ZSWIM6: variants seen among roughly 807,000 people sequenced by gnomAD.
ZSWIM6 encodes zinc finger SWIM-type containing 6.
A neutral mutation model predicts 113.2 loss-of-function variants in ZSWIM6; 9 were observed. The ratio of observed to expected loss-of-function variants is 0.08; its 90% confidence interval spans 0.05 to 0.14. The LOEUF is 0.14. ZSWIM6 is among the 10% of genes least tolerant of loss of function. The pLI, the probability that ZSWIM6 is intolerant of heterozygous loss-of-function variation, is 1.00. For synonymous variants in ZSWIM6, 611 were observed against 606.5 expected, an observed-to-expected ratio of 1.01 and a Z score of -0.11; for missense variants, 1,162 against 1,552.2, an observed-to-expected ratio of 0.75 and a Z score of 4.22.
chr5:61,478,978 C>G (rs145249452), intron 2 of ZSWIM6, among the ~76,000 whole-genome samples: 6 of 152,122 alleles, frequency 3.9e-5, no homozygotes, highest in African/African-American at 1.4e-4. Flanking sequence ...CAAGACCAGC[C>G]TGGCCAACAT....
intron 12 of ZSWIM6, among the ~76,000 whole-genome samples, chr5:61,541,203 A>G (rs564190425): frequency 6.6e-6 from 1 of 152,216 alleles, no homozygotes; most frequent in Admixed American, 6.5e-5. Context: ...TCAGCCTCCC[A>G]AATTGCCAGG....
chr5:61,505,635 C>A (rs1247331865), intron 4 of ZSWIM6, among the ~76,000 whole-genome samples: 1 of 97,554 alleles, frequency 1.0e-5, no homozygotes, highest in African/African-American at 4.3e-5. Flanking sequence ...TCCTTCCTTC[C>A]TTCCTTCCTT....
chr5:61,381,530 G>A (rs949723540), intron 1 of ZSWIM6, among the ~76,000 whole-genome samples: 3 of 152,296 alleles, frequency 2.0e-5, no homozygotes, highest in Admixed American at 6.5e-5. Flanking sequence ...AACATTATGT[G>A]TGTCATGGCT....
chr5:61,483,616 C>T (rs1220249054), intron 2 of ZSWIM6, among the ~76,000 whole-genome samples: 1 of 151,624 alleles, frequency 6.6e-6, no homozygotes, highest in Non-Finnish European at 1.5e-5. Context: ...CACCTGTAAT[C>T]CCAGCACTTT....
intron 4 of ZSWIM6, among the ~76,000 whole-genome samples, chr5:61,518,748 C>G (rs1261104915): frequency 6.6e-6 from 1 of 152,140 alleles, no homozygotes; most frequent in African/African-American, 2.4e-5. Flanking sequence ...TGCCTGTTCA[C>G]TCTGATGATA....
chr5:61,481,881 A>G (rs1747875966), intron 2 of ZSWIM6, among the ~76,000 whole-genome samples: 1 of 152,236 alleles, frequency 6.6e-6, no homozygotes, highest in Non-Finnish European at 1.5e-5. Context: ...ATTAAACTTC[A>G]GTAATAAAAT....
intron 4 of ZSWIM6, among the ~76,000 whole-genome samples, chr5:61,497,918 G>A (rs1471779448): frequency 6.6e-6 from 1 of 152,154 alleles, no homozygotes; most frequent in Admixed American, 6.6e-5. Flanking sequence ...GGATTTCCAA[G>A]AACAACCCAG....
In ZSWIM6 at chr5:61,332,671, CG is replaced by C; in HGVS notation, c.400del (p.Ala134ArgfsTer86). 1 of 1,108,642 alleles carries C rather than the reference CG, an allele frequency of 9.0e-7. No individual in the cohort carries two copies. Among genetic ancestry groups the C allele is most frequent in the African/African-American group, 1.7e-5 (1 of 57,662 alleles). The allele number at this position is 1,108,642 out of a possible 1,614,324, so 68.7% of individuals were successfully genotyped here. A position where few individuals can be genotyped will look rare whatever the true frequency, so the allele number is the denominator to read the frequency against. On this transcript the variant is annotated frameshift_variant, in exon 1 of 14. Coordinates refer to ENST00000252744, the MANE Select transcript of ZSWIM6 (RefSeq NM_020928.2). LOFTEE classifies it high-confidence loss of function. The part of the protein sequence containing the change: ...YSSFNTGGGA[A>X]GGPGDDSGGG... ...CGTCCTTCAACACCGGCGGCGGCGC[CG>C]CGGGCGGCCCCGGCGACGACAGCGG... is the stretch of plus-strand genomic sequence containing the variant.
intron 1 of ZSWIM6, among the ~76,000 whole-genome samples, chr5:61,408,873 CAG>C (rs1019639639): frequency 1.3e-5 from 2 of 151,640 alleles, no homozygotes; most frequent in African/African-American, 4.9e-5. Flanking sequence ...AGCCGCAGGC[CAG>C]AGTCAGAGAC....
intron 10 of ZSWIM6, among the ~76,000 whole-genome samples, chr5:61,537,974 T>C (rs779942023): frequency 2.0e-5 from 3 of 152,250 alleles, no homozygotes; most frequent in Non-Finnish European, 2.9e-5. Context: ...GGTTTTGCTC[T>C]GTTGCCCTGG....
intron 1 of ZSWIM6, among the ~76,000 whole-genome samples, chr5:61,448,724 T>C (rs1279055420): frequency 1.3e-5 from 2 of 151,910 alleles, no homozygotes; most frequent in African/African-American, 2.4e-5. Flanking sequence ...CCAAGAAATA[T>C]ATGGGGGTAT....
At chr5:61,442,139 AGAT>A (rs1290152701) in intron 1 of ZSWIM6, among the ~76,000 whole-genome samples, 1 of 152,122 alleles carries the variant, frequency 6.6e-6, no homozygotes, top group African/African-American at 2.4e-5. Context: ...CTCATTATTC[AGAT>A]GTGGTGATCT....
In ZSWIM6 at chr5:61,365,117, C is replaced by T. The variant is rs182159372; in HGVS notation, c.676+32169C>T. On this transcript the variant is annotated intron_variant, in intron 1 of 13. Coordinates refer to ENST00000252744, the MANE Select transcript of ZSWIM6 (RefSeq NM_020928.2). Reference sequence around the variant, plus strand: ...ATCCCAGGATTTTGGGAGGGGAGATCGAGGCTGGCGGATCACCTGAGGTCA... The same window carrying T: ...ATCCCAGGATTTTGGGAGGGGAGATTGAGGCTGGCGGATCACCTGAGGTCA... 3.7e-4 allele frequency among the ~76,000 whole-genome samples: 57 copies of T among 152,060 alleles called. 2 individuals are homozygous for T. Among genetic ancestry groups the T allele is most frequent in the African/African-American group, 1.3e-3 (55 of 41,470 alleles).
intron 1 of ZSWIM6, among the ~76,000 whole-genome samples, chr5:61,389,524 G>A (rs968221392): frequency 2.3e-5 from 3 of 128,128 alleles, no homozygotes; most frequent in Non-Finnish European, 4.7e-5. Context: ...CACTGCACAT[G>A]AGCCCAGGCG....
chr5:61,497,996 G>C (rs77894051), intron 4 of ZSWIM6, among the ~76,000 whole-genome samples: 1 of 152,058 alleles, frequency 6.6e-6, no homozygotes, highest in East Asian at 1.9e-4. Context: ...CTTAATTACT[G>C]TGGGGGTCTA....
intron 4 of ZSWIM6, among the ~76,000 whole-genome samples, chr5:61,496,758 A>G (rs1032965997): frequency 2.0e-5 from 3 of 152,172 alleles, no homozygotes; most frequent in Admixed American, 2.0e-4. Flanking sequence ...GCCATTACAG[A>G]TCATTTAAAT....
intron 1 of ZSWIM6, among the ~76,000 whole-genome samples, chr5:61,346,085 C>G (rs1447876014): frequency 6.6e-6 from 1 of 152,064 alleles, no homozygotes; most frequent in South Asian, 2.1e-4. Flanking sequence ...GCTGGGATTA[C>G]AGGCGCCCAT....
At chr5:61,473,474 A>G (rs1580014169) in intron 2 of ZSWIM6, among the ~76,000 whole-genome samples, 1 of 152,214 alleles carries the variant, frequency 6.6e-6, no homozygotes, top group Admixed American at 6.5e-5. Flanking sequence ...AAAACATTAT[A>G]GCTTGTTTAG....
At position 61,545,352 on chromosome 5, in the gene ZSWIM6, A is replaced by C. The variant is rs1749858666; in HGVS notation, c.*1035A>C. ...GCTTATAACAGGCACTAGAATAAAGAGGGACAACAAAATACACAGCCAGAG... is the reference window on the plus strand; with the variant it reads ...GCTTATAACAGGCACTAGAATAAAGCGGGACAACAAAATACACAGCCAGAG... On this transcript the variant is annotated 3_prime_UTR_variant, in exon 14 of 14. Transcript: ENST00000252744. 1 of 152,160 alleles carries C rather than the reference A, an allele frequency of 6.6e-6. No individual in the cohort carries two copies. Among genetic ancestry groups the C allele is most frequent in the African/African-American group, 2.4e-5 (1 of 41,444 alleles). The allele number at this position is 152,160 out of a possible 1,614,324, so 9.4% of individuals were successfully genotyped here. A position where few individuals can be genotyped will look rare whatever the true frequency, so the allele number is the denominator to read the frequency against.
Sources: allele counts gnomAD v4.1 joint callset (sites outside exome capture counted in the v4.1 genomes callset), GRCh38; gene constraint gnomAD v4.1.1; transcripts MANE v1.5; gene names NCBI Gene and HGNC (gene_info 2026-07-23, HGNC 2026-07-21).